Variants in ITGA6 observed in about 807,000 individuals in gnomAD.
The protein encoded by ITGA6 is integrin alpha-6.
In ITGA6, 63 loss-of-function variants were observed where a neutral mutation model predicts 133.6. The observed-to-expected ratio is 0.47, with a 90% confidence interval of 0.38 to 0.58. The LOEUF (loss-of-function observed/expected upper bound fraction) is 0.58. Among genes scored for constraint, ITGA6 ranks in the 20% least tolerant of loss-of-function variants. The pLI is 0.00. For synonymous variants in ITGA6, 434 were observed against 482.0 expected, an observed-to-expected ratio of 0.90 and a Z score of 1.30; for missense variants, 1,068 against 1,309.4, an observed-to-expected ratio of 0.82 and a Z score of 2.85.
Position 172,427,794 on chromosome 2 carries a change from C to A in ITGA6, c.6C>A (p.Ala2=), listed in dbSNP as rs774450070. ...CCCTCCCCGTGCGTCCGCCCATGGC[C>A]GCCGCCGGGCAGCTGTGCTTGCTCT... M[A]AAGQLCLLYL... Residue 2 remains alanine (A), a synonymous_variant, in exon 1 of 26, where the codon GCC becomes GCA. Coordinates refer to ENST00000684293, the MANE Select transcript of ITGA6 (RefSeq NM_000210.4). 6.3e-7 allele frequency: 1 copy of A among 1,593,572 alleles called. No homozygotes were observed.
At chr2:172,460,927 C>T (rs1279398059) in intron 1 of ITGA6, among the ~76,000 whole-genome samples, 2 of 152,156 alleles carry the variant, frequency 1.3e-5, no homozygotes, top group Non-Finnish European at 2.9e-5. Context: ...TGAATTATTG[C>T]CAAAGACAGT....
intron 11 of ITGA6, among the ~76,000 whole-genome samples, chr2:172,483,405 A>G (rs959143100): frequency 6.6e-6 from 1 of 152,182 alleles, no homozygotes; most frequent in Non-Finnish European, 1.5e-5. Flanking sequence ...CCAACTCTAA[A>G]GTGAATATTA....
intron 1 of ITGA6, among the ~76,000 whole-genome samples, chr2:172,441,024 A>G (rs1418332232): frequency 1.3e-5 from 2 of 151,778 alleles, no homozygotes; most frequent in African/African-American, 4.8e-5. Flanking sequence ...TTGTCTTGCA[A>G]ATACTTTCCT....
intron 2 of ITGA6, among the ~76,000 whole-genome samples, chr2:172,466,347 C>T (rs998495025): frequency 5.3e-5 from 8 of 152,072 alleles, no homozygotes; most frequent in Non-Finnish European, 7.4e-5. Context: ...GGCCAGGCGT[C>T]GGTGGCTCAC....
At chr2:172,432,121 A>C (rs1684128742) in intron 1 of ITGA6, among the ~76,000 whole-genome samples, 1 of 152,208 alleles carries the variant, frequency 6.6e-6, no homozygotes, top group Non-Finnish European at 1.5e-5. Flanking sequence ...AGGGACAGTG[A>C]GACAAAACAG....
chr2:172,457,011 C>T (rs554663017), intron 1 of ITGA6, among the ~76,000 whole-genome samples: 4 of 152,148 alleles, frequency 2.6e-5, no homozygotes, highest in African/African-American at 9.6e-5. Flanking sequence ...AAGAAGGAGG[C>T]AGGTCACTGT....
chr2:172,442,663 C>T (rs1004267970), intron 1 of ITGA6, among the ~76,000 whole-genome samples: 8 of 152,196 alleles, frequency 5.3e-5, no homozygotes, highest in Non-Finnish European at 8.8e-5. Flanking sequence ...CTTACATTCA[C>T]TCTTCATTGT....
At chr2:172,478,734 T>A (rs924530549) in intron 9 of ITGA6, among the ~76,000 whole-genome samples, 58 of 152,272 alleles carry the variant, frequency 3.8e-4, no homozygotes, top group African/African-American at 1.3e-3. Context: ...AGTTTTTGCT[T>A]GCAGAGATAT....
intron 1 of ITGA6, among the ~76,000 whole-genome samples, chr2:172,445,652 T>TAA (rs548737006): frequency 1.4e-4 from 19 of 138,192 alleles, no homozygotes; most frequent in East Asian, 4.2e-4. Flanking sequence ...CCGTCTTTTT[T>TAA]AAAAAAAAAA....
intron 1 of ITGA6, among the ~76,000 whole-genome samples, chr2:172,459,624 G>A (rs1415096520): frequency 2.6e-5 from 4 of 152,160 alleles, no homozygotes; most frequent in Non-Finnish European, 5.9e-5. Flanking sequence ...TTTCAACCTG[G>A]AGTTTTACAC....
chr2:172,462,937 C>G (rs995371543), intron 1 of ITGA6, among the ~76,000 whole-genome samples: 2 of 152,196 alleles, frequency 1.3e-5, no homozygotes, highest in African/African-American at 4.8e-5. Context: ...GCAGCCTTTG[C>G]ATATGCTGTG....
At chr2:172,433,315 A>G (rs985109611) in intron 1 of ITGA6, among the ~76,000 whole-genome samples, 1 of 152,108 alleles carries the variant, frequency 6.6e-6, no homozygotes, top group African/African-American at 2.4e-5. Flanking sequence ...GTCAGTTTCC[A>G]TAAGTGTGCT....
Position 172,458,303 on chromosome 2 carries a change from C to A in ITGA6, c.183-7236C>A, listed in dbSNP as rs78884664. Among the ~76,000 whole-genome samples, 24 of 149,678 alleles carry A rather than the reference C, an allele frequency of 1.6e-4. No individual in the cohort carries two copies. In the East Asian group the frequency reaches 4.7e-3, roughly 30 times the overall value. On this transcript the variant is annotated intron_variant, in intron 1 of 25. Coordinates refer to ENST00000684293, the MANE Select transcript of ITGA6 (RefSeq NM_000210.4). ...TCACTCAGGCTGGAGTGCAGTAGTA[C>A]AATCTCGGCTCCTGAAACCTCCATC...
At chr2:172,452,661 C>G (rs1685054576) in intron 1 of ITGA6, among the ~76,000 whole-genome samples, 1 of 152,184 alleles carries the variant, frequency 6.6e-6, no homozygotes, top group Non-Finnish European at 1.5e-5. Context: ...GCTGTTAGTT[C>G]TGCAAGTATA....
At chr2:172,460,977 C>A (rs1268306481) in intron 1 of ITGA6, among the ~76,000 whole-genome samples, 1 of 152,152 alleles carries the variant, frequency 6.6e-6, no homozygotes, top group Non-Finnish European at 1.5e-5. Flanking sequence ...TTAAAAGTGT[C>A]CCAGTGTTTA....
At chr2:172,430,677 G>C (rs12053442) in intron 1 of ITGA6, among the ~76,000 whole-genome samples, 7,723 of 152,154 alleles carry the variant, frequency 0.051, 344 homozygotes, top group East Asian at 0.25. Flanking sequence ...AAAACATGTC[G>C]GGTGTTCCTA....
At chr2:172,492,841 C>A (rs1406833396) in intron 23 of ITGA6, among the ~76,000 whole-genome samples, 1 of 152,174 alleles carries the variant, frequency 6.6e-6, no homozygotes, top group Non-Finnish European at 1.5e-5. Flanking sequence ...AGGGAGCCTC[C>A]CTAATCATTC....
At chr2:172,439,004 T>G (rs1684434635) in intron 1 of ITGA6, among the ~76,000 whole-genome samples, 1 of 151,930 alleles carries the variant, frequency 6.6e-6, no homozygotes, top group Admixed American at 6.6e-5. Flanking sequence ...ACCACGACTT[T>G]TTATTTTGAG....
intron 13 of ITGA6, among the ~76,000 whole-genome samples, chr2:172,486,176 CAA>C (rs67271824): frequency 6.9e-4 from 53 of 77,314 alleles, no homozygotes; most frequent in East Asian, 3.2e-3. Context: ...ACTCTATCTC[CAA>C]AAAAAAAAAA....
Sources: gnomAD v4.1 joint callset for allele counts (sites outside exome capture counted in the v4.1 genomes callset) on GRCh38, gnomAD v4.1.1 for gene constraint, MANE v1.5 for transcripts, NCBI Gene and HGNC (gene_info 2026-07-23, HGNC 2026-07-21) for gene names.